G6PC2: variants seen among roughly 807,000 people sequenced by gnomAD.
G6PC2 encodes glucose-6-phosphatase 2.
In G6PC2, 41 loss-of-function variants were observed where a neutral mutation model predicts 35.4. That is an observed-to-expected ratio of 1.16 (90% CI 0.90 to 1.50). The LOEUF (loss-of-function observed/expected upper bound fraction) is 1.50, where lower values mean the gene tolerates loss of function less well. Ranked by LOEUF, G6PC2 falls within the 40% of genes most tolerant of loss-of-function variation. The pLI, the probability that G6PC2 is intolerant of heterozygous loss-of-function variation, is 0.00. For synonymous variants in G6PC2, 165 were observed against 153.2 expected (o/e 1.08, Z -0.57); for missense variants, 441 against 426.5 (o/e 1.03, Z -0.30).
chr2:168,907,847 T>G lies in G6PC2; in HGVS notation c.836T>G (p.Leu279Arg). The G allele has an allele frequency of 6.2e-7, 1 of 1,614,036 alleles. No homozygotes were observed. The highest frequency in any genetic ancestry group is 1.1e-5 in the South Asian group (1 of 91,062). The change falls in exon 5 of 5, where the codon CTC (leucine) becomes CGC (arginine). Residue 279 changes from leucine (L) to arginine (R), a missense_variant. Transcript: ENST00000375363. ...TTTGCAATCAACTCAGAGATGTTCCTCCTGAGCTGCCGAGGGGGAAATAAC... is the reference window on the plus strand; with the variant it reads ...TTTGCAATCAACTCAGAGATGTTCCGCCTGAGCTGCCGAGGGGGAAATAAC... The part of the protein sequence containing the change: ...LGFAINSEMF[L>R]LSCRGGNNYT...
chr2:168,904,862 A>C (rs1401002023), intron 3 of G6PC2, among the ~76,000 whole-genome samples: 1 of 152,226 alleles, frequency 6.6e-6, no homozygotes, highest in Non-Finnish European at 1.5e-5. Flanking sequence ...GACTTGCTAA[A>C]TGTGCCTCTG....
At position 168,901,490 on chromosome 2, in the gene G6PC2, T is replaced by C; in HGVS notation, c.159T>C (p.Val53=). 6.3e-7 allele frequency: 1 copy of C among 1,599,204 alleles called. No individual in the cohort carries two copies. The highest frequency in any genetic ancestry group is 8.6e-7 in the Non-Finnish European group (1 of 1,166,524). The part of the protein sequence containing the change: ...FPLCFQFNQT[V]GTKMIWVAVI... Reference sequence around the variant, plus strand: ...TTTGTTTTCAATTTAATCAGACAGTTGGAACCAAGATGATATGGGTAGCAG... The same window carrying C: ...TTTGTTTTCAATTTAATCAGACAGTCGGAACCAAGATGATATGGGTAGCAG... Residue 53 remains valine, a synonymous_variant, in exon 1 of 5, where the codon GTT becomes GTC. Transcript: ENST00000375363.
chr2:168,901,737 G>GTTTTTTT (rs34174689), intron 1 of G6PC2, among the ~76,000 whole-genome samples, 188 bp downstream of exon 1: 1 of 130,462 alleles, frequency 7.7e-6, no homozygotes, highest in African/African-American at 2.8e-5. Flanking sequence ...ATATGTTTTT[G>GTTTTTTT]TTTTTTTTTT....
rs1300238980 is a variant in G6PC2 at position 168,908,047 on chromosome 2, T to G, written c.1036T>G (p.Leu346Val). 1.2e-6 allele frequency: 2 copies of G among 1,613,178 alleles called. No individual in the cohort carries two copies. Among genetic ancestry groups the G allele is most frequent in the South Asian group, 2.2e-5 (2 of 91,068 alleles). The change falls in exon 5 of 5, where the codon TTA becomes GTA. Residue 346 changes from leucine to valine, a missense_variant. Coordinates refer to ENST00000375363, the MANE Select transcript of G6PC2 (RefSeq NM_021176.3). ...TTTCATTCCCTACTCTGTTCATATGTTAATGAAACAAAGCGGAAAGAAGAG... is the reference window on the plus strand; with the variant it reads ...TTTCATTCCCTACTCTGTTCATATGGTAATGAAACAAAGCGGAAAGAAGAG... ...VAFIPYSVHMLMKQSGKKSQ is the reference protein window; with the variant it reads ...VAFIPYSVHMVMKQSGKKSQ
Position 168,902,447 on chromosome 2 carries a change from T to C in G6PC2, c.221T>C (p.Ile74Thr), listed in dbSNP as rs1419379469. 8.3e-7 allele frequency: 1 copy of C among 1,209,600 alleles called. No individual in the cohort carries two copies. Among genetic ancestry groups the C allele is most frequent in the East Asian group, 2.3e-5 (1 of 43,030 alleles). The allele number at this position is 1,209,600 out of a possible 1,614,324, so 74.9% of individuals were successfully genotyped here. A position where few individuals can be genotyped will look rare whatever the true frequency, so the allele number is the denominator to read the frequency against. Residue 74 changes from isoleucine to threonine, a missense_variant and splice_region_variant, in exon 2 of 5, where the codon ATA becomes ACA. Physicochemically the swap from Ile to Thr is moderately conservative, Grantham distance 89. Coordinates refer to ENST00000375363, the MANE Select transcript of G6PC2 (RefSeq NM_021176.3). ...TGTTTATAATTCTTTAAATACAGGATATTATTTGGTCATCGACCTTACTGG... is the reference window on the plus strand; with the variant it reads ...TGTTTATAATTCTTTAAATACAGGACATTATTTGGTCATCGACCTTACTGG... Reference protein sequence around the residue: ...GDWLNLIFKWILFGHRPYWWV... With the variant: ...GDWLNLIFKWTLFGHRPYWWV...
chr2:168,906,842 G>A, intron 4 of G6PC2, 63 bp downstream of exon 4: 2 of 877,040 alleles, frequency 2.3e-6, no homozygotes, highest in South Asian at 2.6e-5. Context: ...TATGTTTAAG[G>A]GTATCAGATT....
At position 168,901,346 on chromosome 2, in the gene G6PC2, C is replaced by A. The variant is rs1690585460; in HGVS notation, c.15C>A (p.His5Gln). Residue 5 changes from histidine to glutamine, a missense_variant, in exon 1 of 5, where the codon CAC (histidine) becomes CAA (glutamine). By Grantham distance (24) the His-to-Gln change is conservative. Transcript: ENST00000375363. Reference protein sequence around the residue: MDFLHRNGVLIIQHL... With the variant: MDFLQRNGVLIIQHL... Reference sequence around the variant, plus strand: ...TCTTTTTCAAGATGGATTTCCTTCACAGGAATGGAGTGCTCATAATTCAGC... The same window carrying A: ...TCTTTTTCAAGATGGATTTCCTTCAAAGGAATGGAGTGCTCATAATTCAGC... 1 of 1,584,512 alleles carries A rather than the reference C, an allele frequency of 6.3e-7. No individual in the cohort carries two copies. Among genetic ancestry groups the A allele is most frequent in the Non-Finnish European group, 8.7e-7 (1 of 1,152,920 alleles).
chr2:168,903,642 T>G (rs1690648891), intron 2 of G6PC2, among the ~76,000 whole-genome samples: 1 of 152,036 alleles, frequency 6.6e-6, no homozygotes, highest in African/African-American at 2.4e-5. Flanking sequence ...AAAGAAAGAC[T>G]GCATCTCTCG....
Position 168,908,061 on chromosome 2 carries a change from C to T in G6PC2, c.1050C>T (p.Ser350=), listed in dbSNP as rs754077966. The T allele has an allele frequency of 6.8e-6, 11 of 1,612,848 alleles. No homozygotes were observed. The highest frequency in any genetic ancestry group is 1.7e-5 in the Admixed American group (1 of 60,002). Residue 350 remains serine, a synonymous_variant, in exon 5 of 5, where the codon AGC becomes AGT. Transcript: ENST00000375363. The part of the protein sequence containing the change: ...PYSVHMLMKQ[S]GKKSQ ...CTGTTCATATGTTAATGAAACAAAG[C>T]GGAAAGAAGAGTCAGTAGAGTGGTG...
chr2:168,901,622 A>G (rs1690597074), intron 1 of G6PC2, 73 bp downstream of exon 1: 1 of 787,720 alleles, frequency 1.3e-6, no homozygotes, highest in Non-Finnish European at 2.2e-6. Context: ...TAATGATCAC[A>G]TTTCAGATGT....
In G6PC2 at chr2:168,901,560, T is replaced by A; in HGVS notation, c.218+11T>A. ...TCTTATATTTAAATGGTAAGATTTC[T>A]GTTTTATTTCATTTTTTCCTAAGAT... On this transcript the variant is annotated intron_variant, in intron 1 of 4. Transcript: ENST00000375363. The A allele has an allele frequency of 7.6e-7, 1 of 1,309,864 alleles. No individual in the cohort carries two copies. The allele number at this position is 1,309,864 out of a possible 1,614,324, so 81.1% of individuals were successfully genotyped here.
rs528563834 is a variant in G6PC2 at position 168,902,639 on chromosome 2, A to T, written c.328+85A>T. On this transcript the variant is annotated intron_variant, in intron 2 of 4. Coordinates refer to ENST00000375363, the MANE Select transcript of G6PC2 (RefSeq NM_021176.3). ...GGGTTATCATCTAGGAACTGATATT[A>T]TATAGGGTAGTAAAGAAAATCTCAT... is the stretch of plus-strand genomic sequence containing the variant. The T allele has an allele frequency of 5.0e-4, 386 of 771,088 alleles. 7 individuals carry two copies. The highest frequency in any genetic ancestry group is 4.4e-3 in the South Asian group (321 of 72,826). The allele number at this position is 771,088 out of a possible 1,614,324, so 47.8% of individuals were successfully genotyped here.
At chr2:168,904,864 G>C (rs1264484577) in intron 3 of G6PC2, among the ~76,000 whole-genome samples, 2 of 152,140 alleles carry the variant, frequency 1.3e-5, no homozygotes, top group Non-Finnish European at 1.5e-5. Context: ...CTTGCTAAAT[G>C]TGCCTCTGGG....
rs140947634 is a variant in G6PC2, at chr2:168,908,673, A to T, written c.*594A>T. On this transcript the variant is annotated 3_prime_UTR_variant, in exon 5 of 5. Transcript: ENST00000375363. ...CATTACACTGTGTGTTTGAGTGTGC[A>T]CACATGCACATGCTTTTTGTTTGTA... 1.2e-3 allele frequency: 193 copies of T among 158,740 alleles called. 1 individual carries two copies. Among genetic ancestry groups the T allele is most frequent in the Non-Finnish European group, 2.0e-3 (143 of 71,766 alleles). 9.8% of individuals were successfully genotyped at this position (158,740 alleles called of 1,614,324 possible). A position where few individuals can be genotyped will look rare whatever the true frequency, so the allele number is the denominator to read the frequency against.
chr2:168,906,604 C>T, intron 3 of G6PC2, 60 bp from the exon 4 acceptor site: 1 of 825,436 alleles, frequency 1.2e-6, no homozygotes, highest in Non-Finnish European at 2.2e-6. Flanking sequence ...GTCACCCCCT[C>T]TAATTTTGAG....
chr2:168,902,297 C>G (rs1334518930), intron 1 of G6PC2, 148 bp from the exon 2 acceptor site: 1 of 629,912 alleles, frequency 1.6e-6, no homozygotes. Context: ...AGACCAAGAC[C>G]TAAGTTTTTT....
chr2:168,904,935 A>G (rs1170141282), intron 3 of G6PC2, among the ~76,000 whole-genome samples: 1 of 152,236 alleles, frequency 6.6e-6, no homozygotes, highest in Admixed American at 6.5e-5. Flanking sequence ...ATTATACAGC[A>G]TAAGGAAACA....
At chr2:168,901,726 T>C (rs1161435257) in intron 1 of G6PC2, among the ~76,000 whole-genome samples, 177 bp downstream of exon 1, 1 of 134,754 alleles carries the variant, frequency 7.4e-6, no homozygotes, top group Non-Finnish European at 1.5e-5. Flanking sequence ...GAAATGTATA[T>C]ATATGTTTTT....
At chr2:168,903,547 G>A (rs775666428) in intron 2 of G6PC2, among the ~76,000 whole-genome samples, 3 of 152,182 alleles carry the variant, frequency 2.0e-5, no homozygotes, top group Non-Finnish European at 2.9e-5. Flanking sequence ...TGAGACCACC[G>A]AAATGTTATC....
Sources: gnomAD v4.1 joint callset for allele counts (sites outside exome capture counted in the v4.1 genomes callset) on GRCh38, gnomAD v4.1.1 for gene constraint, MANE v1.5 for transcripts, NCBI Gene and HGNC (gene_info 2026-07-23, HGNC 2026-07-21) for gene names.